The following ZNF33A variants were observed in gnomAD, a reference collection of about 807,000 sequenced individuals.
ZNF33A encodes brain my041 protein.
ZNF33A carries 9 observed loss-of-function variants against 15.9 expected under a neutral mutation model. The ratio of observed to expected loss-of-function variants is 0.57; its 90% confidence interval spans 0.34 to 0.99. The LOEUF is 0.99. Ranked by LOEUF, ZNF33A falls within the 50% of genes least tolerant of loss-of-function variation. The pLI is 0.02. For synonymous variants in ZNF33A, 294 were observed against 324.2 expected, an observed-to-expected ratio of 0.91 and a Z score of 1.00; for missense variants, 843 against 941.6, an observed-to-expected ratio of 0.90 and a Z score of 1.37.
chr10:38,037,287 T>C (rs145991371), intron 4 of ZNF33A, among the ~76,000 whole-genome samples: 39 of 152,204 alleles, frequency 2.6e-4, no homozygotes, highest in Middle Eastern at 3.4e-3. Flanking sequence ...CATACAAATA[T>C]TCAGTTGTCT....
Position 38,055,903 on chromosome 10 carries a change from A to G in ZNF33A, c.1779A>G (p.Lys593=). Residue 593 remains lysine (K), a synonymous_variant, in exon 5 of 5, where the codon AAA becomes AAG. Coordinates refer to ENST00000432900, the MANE Select transcript of ZNF33A (RefSeq NM_006954.2). ...CHECGKIFYN[K]SYLTKHNRTH... ...AATGTGGAAAAATCTTTTACAATAA[A>G]TCATACCTAACTAAACATAATAGAA... 6.2e-7 allele frequency: 1 copy of G among 1,613,840 alleles called. No individual in the cohort carries two copies. The highest frequency in any genetic ancestry group is 1.1e-5 in the South Asian group (1 of 91,072).
intron 4 of ZNF33A, among the ~76,000 whole-genome samples, chr10:38,035,717 A>C (rs1236304159): frequency 6.6e-6 from 1 of 152,162 alleles, no homozygotes; most frequent in African/African-American, 2.4e-5. Flanking sequence ...CTTCGGTGCA[A>C]TGGGTAATTC....
intron 4 of ZNF33A, chr10:38,039,677 T>C: frequency 2.4e-6 from 1 of 420,868 alleles, no homozygotes; most frequent in Non-Finnish European, 4.6e-6. Flanking sequence ...TGGCATACAT[T>C]GTTCATACCA....
chr10:38,015,895 C>A, intron 2 of ZNF33A: 1 of 812,542 alleles, frequency 1.2e-6, no homozygotes, highest in Non-Finnish European at 1.7e-6. Flanking sequence ...AGAATTGGTT[C>A]TGTAAACGAA....
chr10:38,016,556 T>C (rs2064460172), intron 2 of ZNF33A, among the ~76,000 whole-genome samples: 1 of 152,232 alleles, frequency 6.6e-6, no homozygotes, highest in Admixed American at 6.5e-5. Context: ...TAGTCTACTG[T>C]GTTTGTACTT....
At chr10:38,047,624 C>CGAAAAA (rs2066006895) in intron 4 of ZNF33A, among the ~76,000 whole-genome samples, 1 of 75,012 alleles carries the variant, frequency 1.3e-5, no homozygotes, top group Non-Finnish European at 2.5e-5. Flanking sequence ...GACTCTGTCT[C>CGAAAAA]AAAAAAAAAA....
At chr10:38,066,773 A>G (rs1213886121), downstream of ZNF33A, among the ~76,000 whole-genome samples, 1 of 152,026 alleles carries the variant, frequency 6.6e-6, no homozygotes, top group Admixed American at 6.5e-5. Flanking sequence ...CATCTCTACT[A>G]AAAATACAAA....
At position 38,030,935 on chromosome 10, in the gene ZNF33A, T is replaced by C. The variant is rs1187702888; in HGVS notation, c.250+13549T>C. On this transcript the variant is annotated intron_variant, in intron 4 of 4. Coordinates refer to ENST00000432900, the MANE Select transcript of ZNF33A (RefSeq NM_006954.2). ...GGATAACACTTTTGAAATGACAACA[T>C]AGAGATGGAGAACTGATTCGTGGTT... Among the ~76,000 whole-genome samples, 2 of 152,106 alleles carry C rather than the reference T, an allele frequency of 1.3e-5. 1 individual carries two copies. The highest frequency in any genetic ancestry group is 2.9e-5 in the Non-Finnish European group (2 of 68,014).
Position 38,051,068 on chromosome 10 carries a change from G to GT in ZNF33A, c.251-3297dup, listed in dbSNP as rs71297780. 2.1e-3 allele frequency among the ~76,000 whole-genome samples: 306 copies of GT among 149,176 alleles called. 2 individuals are homozygous for GT. The highest frequency in any genetic ancestry group is 3.1e-3 in the Non-Finnish European group (211 of 67,000). On this transcript the variant is annotated intron_variant, in intron 4 of 4. Transcript: ENST00000432900. ...AACAAAGAAGTCAATTTTAAAAATA[G>GT]TTTTTTTTTTACATTTGAAAATACA... is the stretch of plus-strand genomic sequence containing the variant.
chr10:38,035,445 T>G lies in ZNF33A; in HGVS notation c.250+18059T>G, dbSNP rs149336927. 4.0e-3 allele frequency among the ~76,000 whole-genome samples: 602 copies of G among 152,246 alleles called. 7 individuals are homozygous for G. Among genetic ancestry groups the G allele is most frequent in the African/African-American group, 0.014 (573 of 41,558 alleles). On this transcript the variant is annotated intron_variant, in intron 4 of 4. Coordinates refer to ENST00000432900, the MANE Select transcript of ZNF33A (RefSeq NM_006954.2). ...CCATTTACTTTCATTATTCTTTCCC[T>G]GTATACATACATGTATGGCACTGTC...
intron 4 of ZNF33A, among the ~76,000 whole-genome samples, chr10:38,024,600 A>C (rs2064901784): frequency 1.3e-5 from 2 of 152,224 alleles, no homozygotes; most frequent in South Asian, 4.1e-4. Context: ...CAGTTGAAAC[A>C]ATTTGGGAAA....
At position 38,055,134 on chromosome 10, in the gene ZNF33A, C is replaced by T; in HGVS notation, c.1010C>T (p.Ala337Val). The change falls in exon 5 of 5, where the codon GCT becomes GTT. Residue 337 changes from alanine to valine, a missense_variant. By Grantham distance (64) the Ala-to-Val change is moderately conservative. Coordinates refer to ENST00000432900, the MANE Select transcript of ZNF33A (RefSeq NM_006954.2). The part of the protein sequence containing the change: ...KHFECNECGK[A>V]FWEKSHLTRH... ...TTTGAATGTAATGAATGTGGGAAAG[C>T]TTTCTGGGAGAAGTCACATCTCACT... 2 of 1,614,092 alleles carry T rather than the reference C, an allele frequency of 1.2e-6. No individual in the cohort carries two copies. The highest frequency in any genetic ancestry group is 1.7e-6 in the Non-Finnish European group (2 of 1,179,960).
intron 4 of ZNF33A, among the ~76,000 whole-genome samples, chr10:38,031,858 G>T (rs2065226903): frequency 6.6e-6 from 1 of 152,112 alleles, no homozygotes; most frequent in African/African-American, 2.4e-5. Context: ...AGCTACTCGG[G>T]AGGCTGAGGC....
At chr10:38,042,009 C>G (rs762847014) in intron 4 of ZNF33A, among the ~76,000 whole-genome samples, 3 of 152,106 alleles carry the variant, frequency 2.0e-5, no homozygotes, top group Admixed American at 1.3e-4. Flanking sequence ...GTTCCCCTCC[C>G]TGTGTTCATG....
intron 4 of ZNF33A, among the ~76,000 whole-genome samples, chr10:38,052,383 T>G (rs929938983): frequency 7.2e-5 from 11 of 152,126 alleles, no homozygotes; most frequent in African/African-American, 2.7e-4. Flanking sequence ...CAAAAATATT[T>G]TTTTTGCAGC....
chr10:38,032,009 T>A (rs2065234176), intron 4 of ZNF33A, among the ~76,000 whole-genome samples: 1 of 152,240 alleles, frequency 6.6e-6, no homozygotes, highest in Non-Finnish European at 1.5e-5. Flanking sequence ...AAACATATTG[T>A]ATACTATTTG....
At position 38,055,455 on chromosome 10, in the gene ZNF33A, A is replaced by C; in HGVS notation, c.1331A>C (p.Tyr444Ser). The C allele has an allele frequency of 6.2e-7, 1 of 1,613,842 alleles. No homozygotes were observed. The highest frequency in any genetic ancestry group is 8.5e-7 in the Non-Finnish European group (1 of 1,179,934). The change falls in exon 5 of 5, where the codon TAT becomes TCT. Residue 444 changes from tyrosine to serine, a missense_variant. By Grantham distance (144) the Tyr-to-Ser change is moderately radical. Transcript: ENST00000432900. ...ACAGGGCTGAAACCCTATGAATGTTATGAATGTGGAAAATCCTTCCGTGTG... is the reference window on the plus strand; with the variant it reads ...ACAGGGCTGAAACCCTATGAATGTTCTGAATGTGGAAAATCCTTCCGTGTG... ...THTGLKPYEC[Y>S]ECGKSFRVTS...
At chr10:38,016,245 T>C (rs1303981165) in intron 2 of ZNF33A, among the ~76,000 whole-genome samples, 1 of 152,346 alleles carries the variant, frequency 6.6e-6, no homozygotes, top group East Asian at 1.9e-4. Flanking sequence ...GATTTGTAAA[T>C]ATAAATCTGT....
At chr10:38,062,804 T>A (rs1463131147), downstream of ZNF33A, among the ~76,000 whole-genome samples, 4 of 151,686 alleles carry the variant, frequency 2.6e-5, no homozygotes, top group African/African-American at 9.7e-5. Context: ...GAGATTGAGA[T>A]CATCCTGGCT....
Sources: gnomAD v4.1 joint callset for allele counts (sites outside exome capture counted in the v4.1 genomes callset) on GRCh38, gnomAD v4.1.1 for gene constraint, MANE v1.5 for transcripts, NCBI Gene and HGNC (gene_info 2026-07-23, HGNC 2026-07-21) for gene names.